LRRC3B: variants seen among roughly 807,000 people sequenced by gnomAD.
LRRC3B encodes the protein leucine-rich repeat-containing protein 3B.
A neutral mutation model predicts 12.8 loss-of-function variants in LRRC3B; 2 were observed. That is an observed-to-expected ratio of 0.16 (90% CI 0.06 to 0.49). The LOEUF (loss-of-function observed/expected upper bound fraction) is 0.49. LRRC3B is among the 20% of genes least tolerant of loss of function. LRRC3B has a pLI of 0.96. For missense variants in LRRC3B, 189 were observed against 319.4 expected, an observed-to-expected ratio of 0.59 and a Z score of 3.11; for synonymous variants, 132 against 122.0, an observed-to-expected ratio of 1.08 and a Z score of -0.54.
chr3:26,658,656 T>A (rs1185486131), intron 1 of LRRC3B, among the ~76,000 whole-genome samples: 1 of 152,242 alleles, frequency 6.6e-6, no homozygotes, highest in Non-Finnish European at 1.5e-5. Flanking sequence ...CAAAGAGTAA[T>A]AACCAGGCTG....
intron 1 of LRRC3B, among the ~76,000 whole-genome samples, chr3:26,676,131 G>A (rs573344948): frequency 2.8e-4 from 43 of 151,366 alleles, no homozygotes; most frequent in Non-Finnish European, 3.7e-4. Context: ...TGTGCACAAC[G>A]TGCAGGTTTG....
intron 1 of LRRC3B, among the ~76,000 whole-genome samples, chr3:26,695,842 T>C (rs1395669044): frequency 6.6e-6 from 1 of 152,238 alleles, no homozygotes; most frequent in Non-Finnish European, 1.5e-5. Flanking sequence ...ATCAGATGCC[T>C]ATATGTCCAA....
intron 1 of LRRC3B, among the ~76,000 whole-genome samples, chr3:26,628,525 T>C (rs1048104390): frequency 6.6e-6 from 1 of 151,632 alleles, no homozygotes; most frequent in African/African-American, 2.4e-5. Context: ...TAGATTTGAA[T>C]AATCCATAAG....
chr3:26,623,734 G>A (rs193286932), intron 1 of LRRC3B: 1 of 152,318 alleles, frequency 6.6e-6, no homozygotes, highest in Non-Finnish European at 1.5e-5. Flanking sequence ...GGATGGCTGC[G>A]GCCACCCCTG....
intron 1 of LRRC3B, among the ~76,000 whole-genome samples, chr3:26,658,319 G>A (rs1220064770): frequency 3.9e-5 from 6 of 152,216 alleles, no homozygotes; most frequent in African/African-American, 9.6e-5. Flanking sequence ...CGGCCTCCCA[G>A]AGTGCTGGGA....
chr3:26,647,108 C>T (rs1336975613), intron 1 of LRRC3B, among the ~76,000 whole-genome samples: 1 of 152,142 alleles, frequency 6.6e-6, no homozygotes, highest in East Asian at 1.9e-4. Flanking sequence ...GCTGAACTTA[C>T]ACTTCCTTCT....
intron 1 of LRRC3B, among the ~76,000 whole-genome samples, chr3:26,655,738 A>G (rs1040495959): frequency 3.9e-5 from 6 of 152,182 alleles, no homozygotes; most frequent in African/African-American, 7.2e-5. Flanking sequence ...TAACTGTGTC[A>G]TGGTGACAGA....
intron 1 of LRRC3B, among the ~76,000 whole-genome samples, chr3:26,683,627 C>T (rs1213043730): frequency 1.3e-5 from 2 of 152,198 alleles, no homozygotes; most frequent in Non-Finnish European, 2.9e-5. Flanking sequence ...TGGAACCATA[C>T]ATGCATAAGG....
At chr3:26,710,565 T>TCTTTTGAATTATGCCACTGCTGAA in exon 2 of LRRC3B, 1 of 1,126,514 alleles carries the variant, frequency 8.9e-7, no homozygotes, top group Admixed American at 2.9e-5. Flanking sequence ...TATTTCAGTT[T>TCTTTTGAATTATGCCACTGCTGAA]CTTTTGAATT....
At chr3:26,709,148 T>A (rs1386463305) in intron 1 of LRRC3B, among the ~76,000 whole-genome samples, 1 of 152,196 alleles carries the variant, frequency 6.6e-6, no homozygotes, top group East Asian at 1.9e-4. Context: ...TAAATTACAT[T>A]AATGCATCTG....
intron 1 of LRRC3B, among the ~76,000 whole-genome samples, chr3:26,691,105 G>GTGTATGTATATATATA (rs372629683): frequency 8.2e-5 from 7 of 84,850 alleles, no homozygotes; most frequent in Non-Finnish European, 1.3e-4. Context: ...GTGTGTGTGT[G>GTGTATGTATATATATA]TATATATATA....
rs1370380419 is a variant in LRRC3B at position 26,636,912 on chromosome 3, TTCTC to T, written c.-161+13679_-161+13682del. On this transcript the variant is annotated intron_variant, in intron 1 of 1. Transcript: ENST00000396641. ...TTTCTCTCTCTCTCTCTTTCTCTCT[TTCTC>T]TCTTTCTTTCTTTCTTTCTTTCTTT... Among the ~76,000 whole-genome samples the T allele has an allele frequency of 1.9e-3, 185 of 98,854 alleles. 1 individual carries two copies. Among genetic ancestry groups the T allele is most frequent in the East Asian group, 0.015 (34 of 2,338 alleles). The allele number at this position is 98,854 out of a possible 152,430, so 64.9% of individuals were successfully genotyped here.
At chr3:26,651,401 C>T (rs1172660340) in intron 1 of LRRC3B, among the ~76,000 whole-genome samples, 1 of 152,182 alleles carries the variant, frequency 6.6e-6, no homozygotes, top group Non-Finnish European at 1.5e-5. Flanking sequence ...CCATGCTTGT[C>T]ACCACCTGAA....
At chr3:26,661,876 G>T (rs1203434850) in intron 1 of LRRC3B, among the ~76,000 whole-genome samples, 2 of 152,140 alleles carry the variant, frequency 1.3e-5, no homozygotes, top group African/African-American at 4.8e-5. Flanking sequence ...GTTGGTCTCT[G>T]ACACTTCTGT....
intron 1 of LRRC3B, among the ~76,000 whole-genome samples, chr3:26,695,300 G>A (rs1700285356): frequency 6.6e-6 from 1 of 152,172 alleles, no homozygotes; most frequent in African/African-American, 2.4e-5. Flanking sequence ...GGCCGAGGCG[G>A]GGGGACCACG....
At chr3:26,682,741 C>T (rs1462294791) in intron 1 of LRRC3B, among the ~76,000 whole-genome samples, 2 of 152,194 alleles carry the variant, frequency 1.3e-5, no homozygotes, top group African/African-American at 4.8e-5. Context: ...ATGAAAGTGG[C>T]ATTGCCTCAG....
chr3:26,637,103 C>A (rs1698918700), intron 1 of LRRC3B, among the ~76,000 whole-genome samples: 1 of 151,126 alleles, frequency 6.6e-6, no homozygotes, highest in South Asian at 2.1e-4. Context: ...TTCAAGCAAT[C>A]CTCCTGCCTT....
At position 26,710,719 on chromosome 3, in the gene LRRC3B, T is replaced by C. The variant is rs539421634; in HGVS notation, c.*267T>C. ...TTAGATCCATCTCACTATTTAATAA[T>C]GAAATTTATTTTTTTAATTTAAAAG... is the stretch of plus-strand genomic sequence containing the variant. On this transcript the variant is annotated 3_prime_UTR_variant, in exon 2 of 2. Transcript: ENST00000396641. The C allele has an allele frequency of 1.1e-3, 303 of 284,770 alleles. 1 individual carries two copies. The highest frequency in any genetic ancestry group is 5.7e-3 in the African/African-American group (259 of 45,790). The allele number at this position is 284,770 out of a possible 1,614,324, so 17.6% of individuals were successfully genotyped here.
intron 1 of LRRC3B, among the ~76,000 whole-genome samples, chr3:26,679,033 C>T (rs1426023787): frequency 6.6e-6 from 1 of 152,188 alleles, no homozygotes; most frequent in African/African-American, 2.4e-5. Context: ...ATCCTATGCT[C>T]ATGAATAAGA....
Sources: gnomAD v4.1 joint callset for allele counts (sites outside exome capture counted in the v4.1 genomes callset) on GRCh38, gnomAD v4.1.1 for gene constraint, MANE v1.5 for transcripts, NCBI Gene and HGNC (gene_info 2026-07-23, HGNC 2026-07-21) for gene names.